The following DCC variants were observed in gnomAD, a reference collection of about 807,000 sequenced individuals.
DCC encodes the protein DCC netrin 1 receptor, also known as netrin receptor DCC.
DCC carries 58 observed loss-of-function variants against 172.5 expected under a neutral mutation model. That is an observed-to-expected ratio of 0.34 (90% CI 0.27 to 0.42). The LOEUF (loss-of-function observed/expected upper bound fraction) is 0.42, where lower values mean the gene tolerates loss of function less well. Among genes scored for constraint, DCC ranks in the 10% least tolerant of loss-of-function variants. DCC has a pLI of 1.00. For missense variants in DCC, 1,740 were observed against 1,791.0 expected, an observed-to-expected ratio of 0.97 and a Z score of 0.51; for synonymous variants, 709 against 644.5, an observed-to-expected ratio of 1.10 and a Z score of -1.52.
chr18:52,697,125 T>G (rs926604806), intron 1 of DCC, among the ~76,000 whole-genome samples: 2 of 152,212 alleles, frequency 1.3e-5, no homozygotes, highest in African/African-American at 4.8e-5. Flanking sequence ...TGCATAGTAT[T>G]TTTTGGTAAA....
intron 8 of DCC, among the ~76,000 whole-genome samples, chr18:53,175,756 G>T (rs1464542819): frequency 6.6e-6 from 1 of 152,002 alleles, no homozygotes; most frequent in Non-Finnish European, 1.5e-5. Flanking sequence ...TACTGCCCAA[G>T]GTAATTTACA....
chr18:52,392,868 C>G (rs549369497), intron 1 of DCC, among the ~76,000 whole-genome samples: 42 of 152,138 alleles, frequency 2.8e-4, no homozygotes, highest in African/African-American at 9.6e-4. Flanking sequence ...CTATGCAATA[C>G]CAATAGCATC....
chr18:52,734,515 T>C (rs1009359386), intron 1 of DCC, among the ~76,000 whole-genome samples: 1 of 152,164 alleles, frequency 6.6e-6, no homozygotes. Flanking sequence ...ACTGACTCTA[T>C]ATATAGGAGA....
chr18:52,476,964 A>G (rs1260805367), intron 1 of DCC, among the ~76,000 whole-genome samples: 1 of 152,134 alleles, frequency 6.6e-6, no homozygotes, highest in Non-Finnish European at 1.5e-5. Context: ...GAGCTTATAA[A>G]GCAATTATAT....
intron 1 of DCC, among the ~76,000 whole-genome samples, chr18:52,356,570 T>A (rs752524749): frequency 1.3e-5 from 2 of 152,154 alleles, no homozygotes; most frequent in East Asian, 3.9e-4. Flanking sequence ...AATTGATAAA[T>A]TATTATTAGG....
At chr18:53,047,467 TTTTTG>T (rs2042269871) in intron 5 of DCC, among the ~76,000 whole-genome samples, 2 of 45,410 alleles carry the variant, frequency 4.4e-5, no homozygotes, top group Non-Finnish European at 4.7e-5. Context: ...ATATATACCA[TTTTTG>T]CTATTGAGGA....
chr18:52,423,239 G>A (rs1457079087), intron 1 of DCC, among the ~76,000 whole-genome samples: 1 of 152,102 alleles, frequency 6.6e-6, no homozygotes, highest in Non-Finnish European at 1.5e-5. Flanking sequence ...AACCTATGCA[G>A]GGCACTATCG....
chr18:52,849,712 C>T (rs17387036), intron 2 of DCC, among the ~76,000 whole-genome samples: 46,007 of 152,028 alleles, frequency 0.3, 8,288 homozygotes, highest in Non-Finnish European at 0.42. Context: ...TAGAATGCTT[C>T]TTCATTTTTT....
intron 27 of DCC, among the ~76,000 whole-genome samples, chr18:53,518,106 T>G (rs1216417827): frequency 6.6e-6 from 1 of 152,102 alleles, no homozygotes; most frequent in Non-Finnish European, 1.5e-5. Context: ...TACTTAATAA[T>G]AAGTATATAT....
intron 1 of DCC, among the ~76,000 whole-genome samples, chr18:52,438,102 T>C (rs1368765267): frequency 6.6e-6 from 1 of 152,134 alleles, no homozygotes; most frequent in African/African-American, 2.4e-5. Context: ...CCATTCCCAG[T>C]TTCAAAAAAC....
chr18:52,572,511 G>A (rs553677062), intron 1 of DCC, among the ~76,000 whole-genome samples: 81 of 152,274 alleles, frequency 5.3e-4, no homozygotes, highest in African/African-American at 1.8e-3. Context: ...CACAGACTCC[G>A]GGGACATAGT....
intron 1 of DCC, among the ~76,000 whole-genome samples, chr18:52,558,625 A>T (rs2032968169): frequency 6.6e-6 from 1 of 152,178 alleles, no homozygotes; most frequent in African/African-American, 2.4e-5. Context: ...AACGGGGTTT[A>T]TCACACCCAT....
intron 9 of DCC, among the ~76,000 whole-genome samples, chr18:53,180,733 G>A (rs953834794): frequency 2.6e-5 from 4 of 152,000 alleles, no homozygotes; most frequent in Admixed American, 1.3e-4. Context: ...GCACAATCGC[G>A]GCTCATTGCA....
chr18:52,388,959 G>A (rs1370416030), intron 1 of DCC, among the ~76,000 whole-genome samples: 1 of 152,124 alleles, frequency 6.6e-6, no homozygotes, highest in South Asian at 2.1e-4. Flanking sequence ...GCCAGAGATC[G>A]TTCAGGACCG....
intron 1 of DCC, among the ~76,000 whole-genome samples, chr18:52,482,900 G>A (rs1476512674): frequency 6.6e-6 from 1 of 152,052 alleles, no homozygotes; most frequent in Non-Finnish European, 1.5e-5. Flanking sequence ...TGCTGTCCTA[G>A]GGCTGCTTTA....
intron 15 of DCC, among the ~76,000 whole-genome samples, chr18:53,374,598 CTTG>C (rs956823350): frequency 2.6e-5 from 4 of 152,014 alleles, no homozygotes; most frequent in Non-Finnish European, 4.4e-5. Flanking sequence ...AGTCTTAATG[CTTG>C]TTGAGTGAAA....
intron 1 of DCC, among the ~76,000 whole-genome samples, chr18:52,719,336 A>G (rs1271448345): frequency 2.0e-5 from 3 of 150,574 alleles, no homozygotes; most frequent in Admixed American, 6.6e-5. Context: ...TTGGAAAGAA[A>G]AAGAAAAAAA....
chr18:52,839,001 CAA>C (rs1464151891), intron 2 of DCC, among the ~76,000 whole-genome samples: 17 of 151,916 alleles, frequency 1.1e-4, no homozygotes, highest in Non-Finnish European at 1.6e-4. Context: ...TAGAAGATAA[CAA>C]ATTTACCTTG....
At chr18:53,191,894 A>G (rs1397681569) in intron 9 of DCC, among the ~76,000 whole-genome samples, 1 of 152,148 alleles carries the variant, frequency 6.6e-6, no homozygotes, top group Non-Finnish European at 1.5e-5. Flanking sequence ...TTGTTGATCC[A>G]GAGCAGCACA....
Sources: gnomAD v4.1 joint callset for allele counts (sites outside exome capture counted in the v4.1 genomes callset) on GRCh38, gnomAD v4.1.1 for gene constraint, MANE v1.5 for transcripts, NCBI Gene and HGNC (gene_info 2026-07-23, HGNC 2026-07-21) for gene names.